Variants in NAA35 observed in about 807,000 individuals in gnomAD.
NAA35 encodes MAK10 homolog, amino-acid N-acetyltransferase subunit.
Under a neutral mutation model 101.7 loss-of-function variants are expected in NAA35, and 18 were observed. That is an observed-to-expected ratio of 0.18 (90% confidence interval 0.12 to 0.26). The LOEUF (loss-of-function observed/expected upper bound fraction) is 0.26. Among genes scored for constraint, NAA35 ranks in the 10% least tolerant of loss-of-function variants. The pLI is 1.00. For synonymous variants in NAA35, 267 were observed against 273.1 expected (o/e 0.98, Z 0.22); for missense variants, 601 against 886.8 (o/e 0.68, Z 4.09).
rs554031542 is a variant in NAA35, at chr9:85,965,462, TACAAAAA to T, written c.516+3284_516+3290del. ...AGGCAACATATCCAGACCCTGTCTC[TACAAAAA>T]ATACAAAAATTAGCTGGGTGTGGTG... On this transcript the variant is annotated intron_variant, in intron 6 of 22. Coordinates refer to ENST00000361671, the MANE Select transcript of NAA35 (RefSeq NM_024635.4). Among the ~76,000 whole-genome samples the T allele has an allele frequency of 1.3e-3, 195 of 152,204 alleles. 1 individual carries two copies. The highest frequency in any genetic ancestry group is 2.3e-3 in the Non-Finnish European group (155 of 68,012).
At chr9:85,983,081 T>A (rs1260300932) in intron 11 of NAA35, among the ~76,000 whole-genome samples, 1 of 152,244 alleles carries the variant, frequency 6.6e-6, no homozygotes, top group Non-Finnish European at 1.5e-5. Context: ...CCCTTTTTGC[T>A]GAGTGACATT....
At chr9:85,968,890 C>T (rs369232431) in intron 6 of NAA35, among the ~76,000 whole-genome samples, 1 of 152,176 alleles carries the variant, frequency 6.6e-6, no homozygotes, top group Non-Finnish European at 1.5e-5. Context: ...TTTCCCTTCT[C>T]ATACAAAATT....
At chr9:86,001,363 T>G (rs1300097056) in intron 12 of NAA35, among the ~76,000 whole-genome samples, 1 of 152,096 alleles carries the variant, frequency 6.6e-6, no homozygotes, top group East Asian at 1.9e-4. Context: ...TATTCTGTTG[T>G]TTTTGGGTGG....
chr9:85,961,956 T>C (rs754003817), intron 5 of NAA35, 57 bp from the exon 6 acceptor site: 104 of 1,422,464 alleles, frequency 7.3e-5, no homozygotes, highest in Non-Finnish European at 9.6e-5. Context: ...AGGATCAATT[T>C]AGACTTTGCA....
intron 6 of NAA35, among the ~76,000 whole-genome samples, chr9:85,964,335 T>C (rs945741070): frequency 6.6e-6 from 1 of 152,168 alleles, no homozygotes; most frequent in African/African-American, 2.4e-5. Flanking sequence ...CCTGACCTGT[T>C]AGTAAGTTGT....
At chr9:86,019,483 C>CT (rs1204046734) in intron 21 of NAA35, among the ~76,000 whole-genome samples, 5 of 152,262 alleles carry the variant, frequency 3.3e-5, no homozygotes, top group African/African-American at 9.6e-5. Flanking sequence ...TAAAATGTAA[C>CT]TAAGTCTTAC....
chr9:85,942,517 C>A (rs1197508947), intron 2 of NAA35, among the ~76,000 whole-genome samples: 1 of 152,196 alleles, frequency 6.6e-6, no homozygotes, highest in African/African-American at 2.4e-5. Context: ...CTTGCTTTAA[C>A]AGGTTAGAGA....
chr9:85,994,575 T>C (rs1368715245), intron 11 of NAA35, among the ~76,000 whole-genome samples: 1 of 152,234 alleles, frequency 6.6e-6, no homozygotes, highest in East Asian at 1.9e-4. Flanking sequence ...AACCTGACTA[T>C]AAATTGCCTA....
intron 21 of NAA35, 88 bp from the exon 22 acceptor site, chr9:86,020,801 G>C: frequency 2.1e-6 from 2 of 963,430 alleles, no homozygotes; most frequent in Middle Eastern, 2.6e-4. Context: ...CTGTACTCCA[G>C]CCTGGGTTGA....
intron 15 of NAA35, among the ~76,000 whole-genome samples, chr9:86,010,798 C>T (rs1316126633): frequency 2.0e-5 from 3 of 150,442 alleles, no homozygotes; most frequent in African/African-American, 4.9e-5. Context: ...AGGATGGTCT[C>T]GATCTCCTAA....
Position 86,024,543 on chromosome 9 carries a change from T to C in NAA35, c.*2583T>C, listed in dbSNP as rs540007264. ...CCAGTCACGTGAGAGAAAATGTTGG[T>C]CTTAACAAAGGTAGTGGCAGAGCAG... On this transcript the variant is annotated 3_prime_UTR_variant, in exon 23 of 23. Coordinates refer to ENST00000361671, the MANE Select transcript of NAA35 (RefSeq NM_024635.4). 6.6e-6 allele frequency among the ~76,000 whole-genome samples: 1 copy of C among 152,130 alleles called. No individual in the cohort carries two copies. The highest frequency in any genetic ancestry group is 2.4e-5 in the African/African-American group (1 of 41,410).
At chr9:85,962,358 G>C (rs1829551872) in intron 6 of NAA35, among the ~76,000 whole-genome samples, 178 bp downstream of exon 6, 1 of 151,836 alleles carries the variant, frequency 6.6e-6, no homozygotes, top group South Asian at 2.1e-4. Flanking sequence ...AGGTGTGGTG[G>C]CATGCATCTG....
intron 2 of NAA35, among the ~76,000 whole-genome samples, chr9:85,955,358 ATATTTT>A (rs1309558393): frequency 8.4e-5 from 4 of 47,582 alleles, no homozygotes; most frequent in African/African-American, 3.0e-4. Flanking sequence ...ATATATATAT[ATATTTT>A]TTTTTTTTTT....
intron 22 of NAA35, 49 bp from the exon 23 acceptor site, chr9:86,021,852 A>G: frequency 7.3e-7 from 1 of 1,378,772 alleles, no homozygotes; most frequent in African/African-American, 1.4e-5. Flanking sequence ...TTTGTGTACC[A>G]TCTGAATATT....
chr9:85,996,122 C>G (rs908487327), intron 11 of NAA35, among the ~76,000 whole-genome samples: 1 of 152,016 alleles, frequency 6.6e-6, no homozygotes, highest in African/African-American at 2.4e-5. Flanking sequence ...AGAGTTTTTT[C>G]TTTGAGTTCA....
chr9:85,952,288 GTT>G (rs199959174), intron 2 of NAA35, among the ~76,000 whole-genome samples: 3 of 116,790 alleles, frequency 2.6e-5, no homozygotes, highest in Non-Finnish European at 3.8e-5. Context: ...AGTGTTTTTT[GTT>G]TTTTTTTTTT....
intron 11 of NAA35, among the ~76,000 whole-genome samples, chr9:85,991,830 G>T (rs1830924684): frequency 6.6e-6 from 1 of 152,102 alleles, no homozygotes. Context: ...GTGATGAGGG[G>T]GTGATCATGG....
chr9:85,975,317 T>C (rs1244065627), intron 8 of NAA35, among the ~76,000 whole-genome samples, 160 bp downstream of exon 8: 1 of 152,074 alleles, frequency 6.6e-6, no homozygotes, highest in African/African-American at 2.4e-5. Context: ...TTCTGATAAA[T>C]TAATGTCATT....
At chr9:85,968,056 G>A (rs1829840090) in intron 6 of NAA35, among the ~76,000 whole-genome samples, 1 of 151,928 alleles carries the variant, frequency 6.6e-6, no homozygotes, top group African/African-American at 2.4e-5. Flanking sequence ...CCTTACGTTC[G>A]GATTATTTTG....
Sources: gnomAD v4.1 joint callset for allele counts (sites outside exome capture counted in the v4.1 genomes callset) on GRCh38, gnomAD v4.1.1 for gene constraint, MANE v1.5 for transcripts, NCBI Gene and HGNC (gene_info 2026-07-23, HGNC 2026-07-21) for gene names.